The following FHIT variants were observed in gnomAD, a reference collection of about 807,000 sequenced individuals.
The protein encoded by FHIT is fragile histidine triad diadenosine triphosphatase.
FHIT carries 19 observed loss-of-function variants against 17.9 expected under a neutral mutation model. The observed-to-expected ratio is 1.06, with a 90% CI of 0.74 to 1.56. FHIT has a LOEUF of 1.56. FHIT is among the 40% of genes most tolerant of loss of function. The probability of loss-of-function intolerance (pLI) is 0.00; values close to 1 mark genes in which losing one functional copy is unlikely to be tolerated. For synonymous variants in FHIT, 81 were observed against 69.7 expected (o/e 1.16, Z -0.81); for missense variants, 248 against 189.2 (o/e 1.31, Z -1.82).
chr3:60,494,369 G>A (rs1472442489), intron 5 of FHIT, among the ~76,000 whole-genome samples: 2 of 151,902 alleles, frequency 1.3e-5, no homozygotes, highest in African/African-American at 2.4e-5. Context: ...TATATTTATG[G>A]GGTACATGAC....
In FHIT at chr3:61,125,650, TTTC is replaced by T; in HGVS notation, c.-164+74964_-164+74966del. Among the ~76,000 whole-genome samples the T allele has an allele frequency of 1.3e-5, 2 of 152,192 alleles. 1 individual carries two copies. The highest frequency in any genetic ancestry group is 2.9e-5 in the Non-Finnish European group (2 of 68,028). Reference sequence around the variant, plus strand: ...AAAATCATCTGGCAAACAACTGTCTTTTCTTCAAGATGTAAACAATGAAACAAT... The same window carrying T: ...AAAATCATCTGGCAAACAACTGTCTTTTCAAGATGTAAACAATGAAACAAT... On this transcript the variant is annotated intron_variant, in intron 2 of 9. Transcript: ENST00000492590.
intron 8 of FHIT, among the ~76,000 whole-genome samples, chr3:59,882,663 AG>A (rs1703458781): frequency 6.6e-6 from 1 of 152,196 alleles, no homozygotes; most frequent in African/African-American, 2.4e-5. Context: ...TCATATTGGT[AG>A]GAGGAACATG....
At chr3:61,164,718 T>A (rs2037787348) in intron 2 of FHIT, among the ~76,000 whole-genome samples, 1 of 152,130 alleles carries the variant, frequency 6.6e-6, no homozygotes. Flanking sequence ...GATGCTGAGG[T>A]TTGGAGTACA....
intron 5 of FHIT, among the ~76,000 whole-genome samples, chr3:60,168,725 G>T (rs1431316120): frequency 6.6e-6 from 1 of 152,228 alleles, no homozygotes; most frequent in Non-Finnish European, 1.5e-5. Context: ...TTTCATGTCA[G>T]GCGATGGTAT....
chr3:60,261,767 G>T (rs1706315385), intron 5 of FHIT, among the ~76,000 whole-genome samples: 1 of 150,308 alleles, frequency 6.7e-6, no homozygotes, highest in Non-Finnish European at 1.5e-5. Context: ...CCTTCTTCCT[G>T]CCCTTCTCCT....
intron 8 of FHIT, among the ~76,000 whole-genome samples, chr3:59,846,235 T>C (rs190132718): frequency 3.3e-5 from 5 of 152,234 alleles, no homozygotes; most frequent in African/African-American, 1.2e-4. Context: ...AATGATTAAA[T>C]TCCTTTTCGA....
intron 1 of FHIT, among the ~76,000 whole-genome samples, chr3:61,239,776 T>TATATATATATATATATATATATATAC (rs1560104308): frequency 2.7e-4 from 37 of 138,594 alleles, no homozygotes; most frequent in African/African-American, 8.4e-4. Context: ...TATATATATA[T>TATATATATATATATATATATATATAC]ATATATATAC....
intron 5 of FHIT, among the ~76,000 whole-genome samples, chr3:60,465,515 A>T (rs2032736158): frequency 6.6e-6 from 1 of 152,082 alleles, no homozygotes; most frequent in Admixed American, 6.6e-5. Context: ...GAAGTTTCAT[A>T]GTTTGAGGTC....
At chr3:60,022,006 T>C (rs996654673) in intron 5 of FHIT, among the ~76,000 whole-genome samples, 6 of 152,228 alleles carry the variant, frequency 3.9e-5, no homozygotes, top group African/African-American at 9.6e-5. Flanking sequence ...GCATTCTGGC[T>C]TCTCAAAAAT....
intron 5 of FHIT, among the ~76,000 whole-genome samples, chr3:60,124,065 G>GAGAGAGAC (rs1553691058): frequency 1.2e-4 from 13 of 108,268 alleles, no homozygotes; most frequent in Admixed American, 5.9e-4. Flanking sequence ...GACAGAGAGA[G>GAGAGAGAC]AGAGAGATAC....
chr3:60,674,956 C>T (rs1221678161), intron 4 of FHIT, among the ~76,000 whole-genome samples: 1 of 152,202 alleles, frequency 6.6e-6, no homozygotes, highest in Non-Finnish European at 1.5e-5. Flanking sequence ...AGCCCCTCAG[C>T]AGCAACAAAG....
chr3:60,232,802 G>C lies in FHIT; in HGVS notation c.104-218650C>G, dbSNP rs141349659. ...TCCACTCCTGCCCCTCTAAAGCCAT[G>C]TCATATACAACAGAGAGCTCATTTT... On this transcript the variant is annotated intron_variant, in intron 5 of 9. Transcript: ENST00000492590. Among the ~76,000 whole-genome samples the C allele has an allele frequency of 7.2e-5, 11 of 152,284 alleles. No individual in the cohort carries two copies. In the East Asian group the frequency reaches 1.7e-3, roughly 24 times the overall value.
chr3:60,472,239 T>C (rs1481866929), intron 5 of FHIT, among the ~76,000 whole-genome samples: 8 of 152,164 alleles, frequency 5.3e-5, no homozygotes, highest in Admixed American at 4.6e-4. Flanking sequence ...CAAAAACAAC[T>C]GGTTCATCCT....
chr3:60,894,406 A>AT, intron 3 of FHIT, among the ~76,000 whole-genome samples: 1 of 152,182 alleles, frequency 6.6e-6, no homozygotes, highest in South Asian at 2.1e-4. Flanking sequence ...TGGTACTTCC[A>AT]GGAGAGAAGG....
rs543184861 is a variant in FHIT, at chr3:60,076,719, A to G, written c.104-62567T>C. On this transcript the variant is annotated intron_variant, in intron 5 of 9. Transcript: ENST00000492590. ...TCAGCTGTTGAGGATTCCTACTACA[A>G]TAATTATTTTAAAATTAATTTTGAA... Among the ~76,000 whole-genome samples, 342 of 152,232 alleles carry G rather than the reference A, an allele frequency of 2.2e-3. 3 individuals are homozygous for G. The highest frequency in any genetic ancestry group is 7.8e-3 in the African/African-American group (323 of 41,574).
intron 5 of FHIT, among the ~76,000 whole-genome samples, chr3:60,055,744 G>C (rs1702056406): frequency 6.6e-6 from 1 of 152,160 alleles, no homozygotes; most frequent in African/African-American, 2.4e-5. Flanking sequence ...TTAGCTCAGA[G>C]AGGTTAAATG....
chr3:61,117,707 G>A (rs1197446114), intron 2 of FHIT, among the ~76,000 whole-genome samples: 1 of 152,132 alleles, frequency 6.6e-6, no homozygotes, highest in African/African-American at 2.4e-5. Context: ...CTTGTGTCTT[G>A]GACCTAGCTA....
chr3:60,348,676 G>A (rs1710919717), intron 5 of FHIT, among the ~76,000 whole-genome samples: 1 of 152,154 alleles, frequency 6.6e-6, no homozygotes, highest in Non-Finnish European at 1.5e-5. Context: ...CATGTAATTT[G>A]CAATGTCTTC....
intron 4 of FHIT, among the ~76,000 whole-genome samples, chr3:60,728,595 T>TA (rs1240273404): frequency 2.4e-4 from 36 of 152,044 alleles, no homozygotes; most frequent in South Asian, 1.0e-3. Flanking sequence ...GTCGTTTTTT[T>TA]AAAAAAAATT....
Sources: allele counts gnomAD v4.1 joint callset (sites outside exome capture counted in the v4.1 genomes callset), GRCh38; gene constraint gnomAD v4.1.1; transcripts MANE v1.5; gene names NCBI Gene and HGNC (gene_info 2026-07-23, HGNC 2026-07-21).